The following TDRD12 variants were observed in gnomAD, a reference collection of about 807,000 sequenced individuals.
TDRD12 encodes the protein putative ATP-dependent RNA helicase TDRD12.
TDRD12 carries 158 observed loss-of-function variants against 133.5 expected under a neutral mutation model. The observed-to-expected ratio is 1.18, with a 90% CI of 1.04 to 1.35. The LOEUF (loss-of-function observed/expected upper bound fraction) is 1.35, where lower values mean the gene tolerates loss of function less well. TDRD12 is among the 40% of genes most tolerant of loss of function. The pLI is 0.00. For missense variants in TDRD12, 1,443 were observed against 1,321.3 expected (o/e 1.09, Z -1.43); for synonymous variants, 460 against 477.9 (o/e 0.96, Z 0.49).
intron 22 of TDRD12, among the ~76,000 whole-genome samples, chr19:32,809,071 A>G (rs1413877894): frequency 1.3e-5 from 2 of 152,208 alleles, no homozygotes; most frequent in Non-Finnish European, 2.9e-5. Context: ...GGTGTGGGTC[A>G]GGGTAACTTT....
rs1348093020 is a variant in TDRD12, at chr19:32,800,773, G to A, written c.2079+1G>A. 4.6e-6 allele frequency: 7 copies of A among 1,527,272 alleles called. No homozygotes were observed. The highest frequency in any genetic ancestry group is 2.5e-5 in the East Asian group (1 of 40,708). 94.6% of individuals were successfully genotyped at this position (1,527,272 alleles called of 1,614,324 possible). ...AGCTGAAACAGAAATAGTGTGTAAG[G>A]TGAGTCCATCTCCATATAAAAAATG... On this transcript the variant is annotated splice_donor_variant, in intron 18 of 27. Coordinates refer to ENST00000444215, the Ensembl canonical transcript of TDRD12. LOFTEE classifies it high-confidence loss of function.
chr19:32,757,148 G>T lies in TDRD12; in HGVS notation c.865+18G>T, dbSNP rs1166538452. 2.0e-6 allele frequency: 3 copies of T among 1,536,350 alleles called. No individual in the cohort carries two copies. Among genetic ancestry groups the T allele is most frequent in the Non-Finnish European group, 2.6e-6 (3 of 1,134,036 alleles). ...AGCACAGGGTGAGTTCTGCTAATGT[G>T]GTTTATTTCATAGGCAGCATGAAAA... On this transcript the variant is annotated intron_variant, in intron 8 of 27. Coordinates refer to ENST00000444215, the Ensembl canonical transcript of TDRD12.
intron 2 of TDRD12, among the ~76,000 whole-genome samples, chr19:32,732,352 G>A (rs1220103376): frequency 6.6e-6 from 1 of 152,154 alleles, no homozygotes; most frequent in African/African-American, 2.4e-5. Flanking sequence ...GTCATGGAAG[G>A]GGGTGGCCGC....
chr19:32,804,987 T>C (rs1175316094), intron 21 of TDRD12, among the ~76,000 whole-genome samples: 2 of 151,866 alleles, frequency 1.3e-5, no homozygotes, highest in East Asian at 3.9e-4. Flanking sequence ...GTTACACTTA[T>C]AATTCATATT....
chr19:32,761,019 T>C (rs1234495265), intron 8 of TDRD12, among the ~76,000 whole-genome samples: 1 of 152,230 alleles, frequency 6.6e-6, no homozygotes, highest in Non-Finnish European at 1.5e-5. Context: ...TGATATATTG[T>C]GATCATATAA....
At chr19:32,723,209 GCACAATACCACACTGT>G (rs1223464106) in intron 1 of TDRD12, among the ~76,000 whole-genome samples, 2 of 151,718 alleles carry the variant, frequency 1.3e-5, no homozygotes, top group African/African-American at 4.8e-5. Context: ...ATTGATTTAT[GCACAATACCACACTGT>G]CTTATTACTG....
chr19:32,757,159 T>A (rs1316648956), intron 8 of TDRD12, 29 bp downstream of exon 8: 1 of 1,502,074 alleles, frequency 6.7e-7, no homozygotes, highest in Admixed American at 2.0e-5. Context: ...GTTTATTTCA[T>A]AGGCAGCATG....
intron 11 of TDRD12, among the ~76,000 whole-genome samples, chr19:32,787,566 C>T (rs748527868): frequency 2.0e-5 from 3 of 152,190 alleles, no homozygotes; most frequent in African/African-American, 4.8e-5. Context: ...TGCTGAGCTG[C>T]GGTGGGCTCC....
intron 11 of TDRD12, 35 bp from the exon 12 acceptor site, chr19:32,790,496 T>C (rs986916093): frequency 5.8e-6 from 9 of 1,540,818 alleles, no homozygotes; most frequent in Non-Finnish European, 7.9e-6. Flanking sequence ...AACAAACACC[T>C]TTTTCTTCAC....
Position 32,813,672 on chromosome 19 carries a change from T to G in TDRD12, c.3049-12T>G, listed in dbSNP as rs978143260. ...AAGCCTCACCTAAAATAATGTTAAG[T>G]GCTTTTTTCAGGTTACTAGGTACAT... is the stretch of plus-strand genomic sequence containing the variant. On this transcript the variant is annotated splice_polypyrimidine_tract_variant and intron_variant, in intron 24 of 27. Transcript: ENST00000444215. The G allele has an allele frequency of 9.5e-6, 14 of 1,466,568 alleles. No individual in the cohort carries two copies. The highest frequency in any genetic ancestry group is 1.3e-5 in the Non-Finnish European group (14 of 1,087,880). 90.8% of individuals were successfully genotyped at this position (1,466,568 alleles called of 1,614,324 possible).
chr19:32,733,468 C>G lies in TDRD12; in HGVS notation c.183+1585C>G, dbSNP rs558401965. 1.4e-3 allele frequency among the ~76,000 whole-genome samples: 144 copies of G among 100,032 alleles called. 1 individual carries two copies. Among genetic ancestry groups the G allele is most frequent in the Admixed American group, 0.011 (119 of 11,012 alleles). 65.6% of individuals were successfully genotyped at this position (100,032 alleles called of 152,430 possible). A position where few individuals can be genotyped will look rare whatever the true frequency, so the allele number is the denominator to read the frequency against. On this transcript the variant is annotated intron_variant, in intron 2 of 27. Coordinates refer to ENST00000444215, the Ensembl canonical transcript of TDRD12. ...CTAGGCAACAAGAGTGAAACTCTGT[C>G]TCAAAAAAAAAAAAAATGTATATGT...
chr19:32,729,790 T>TC, intron 1 of TDRD12, among the ~76,000 whole-genome samples: 1 of 122,498 alleles, frequency 8.2e-6, no homozygotes, highest in Non-Finnish European at 1.7e-5. Flanking sequence ...TTTTTTTTTT[T>TC]TTTTTTTTTT....
At chr19:32,785,334 G>A (rs1071306) in intron 11 of TDRD12, among the ~76,000 whole-genome samples, 1 of 152,108 alleles carries the variant, frequency 6.6e-6, no homozygotes, top group Admixed American at 6.6e-5. Flanking sequence ...ACAGTTTGTT[G>A]TGATTTCTGT....
chr19:32,798,085 C>A (rs139769569), intron 15 of TDRD12, among the ~76,000 whole-genome samples, 194 bp downstream of exon 15: 1 of 152,200 alleles, frequency 6.6e-6, no homozygotes, highest in Non-Finnish European at 1.5e-5. Context: ...TCTTGACTTA[C>A]GTCTGCTTCA....
chr19:32,724,719 T>C (rs1968804122), intron 1 of TDRD12, among the ~76,000 whole-genome samples: 1 of 152,206 alleles, frequency 6.6e-6, no homozygotes, highest in Non-Finnish European at 1.5e-5. Flanking sequence ...ATGATTGATA[T>C]TCCTTTTGGT....
intron 21 of TDRD12, among the ~76,000 whole-genome samples, chr19:32,806,692 C>T (rs920462208): frequency 6.6e-6 from 1 of 151,842 alleles, no homozygotes; most frequent in African/African-American, 2.4e-5. Flanking sequence ...GAGTCTTGCT[C>T]TGTCGCCCAG....
chr19:32,810,099 C>A, exon 23 of TDRD12: 1 of 1,517,624 alleles, frequency 6.6e-7, no homozygotes, highest in Non-Finnish European at 8.8e-7. Context: ...TCAGATAATA[C>A]CTTTTTATAT....
chr19:32,782,584 C>A (rs956045712), intron 11 of TDRD12, among the ~76,000 whole-genome samples: 5 of 152,224 alleles, frequency 3.3e-5, no homozygotes, highest in African/African-American at 1.2e-4. Flanking sequence ...TTCCCACCAA[C>A]AGTATAAAAG....
intron 4 of TDRD12, 58 bp from the exon 5 acceptor site, chr19:32,748,418 G>A: frequency 6.7e-7 from 1 of 1,501,666 alleles, no homozygotes; most frequent in South Asian, 1.2e-5. Context: ...ACAAAATGCT[G>A]TTGGTGTGCT....
Sources: allele counts gnomAD v4.1 joint callset (sites outside exome capture counted in the v4.1 genomes callset), GRCh38; gene constraint gnomAD v4.1.1; transcripts MANE v1.5; gene names NCBI Gene and HGNC (gene_info 2026-07-23, HGNC 2026-07-21).